The following ABCC12 variants were observed in gnomAD, a reference collection of about 807,000 sequenced individuals.
ABCC12 encodes the protein ATP-binding cassette sub-family C member 12.
Under a neutral mutation model 151.1 loss-of-function variants are expected in ABCC12, and 142 were observed. The observed-to-expected ratio is 0.94, with a 90% CI of 0.82 to 1.08. The LOEUF (loss-of-function observed/expected upper bound fraction) is 1.08. Ranked by LOEUF, ABCC12 falls within the 50% of genes least tolerant of loss-of-function variation. The pLI, the probability that ABCC12 is intolerant of heterozygous loss-of-function variation, is 0.00. For synonymous variants in ABCC12, 645 were observed against 646.4 expected, an observed-to-expected ratio of 1.00 and a Z score of 0.03; for missense variants, 1,638 against 1,691.1, an observed-to-expected ratio of 0.97 and a Z score of 0.55.
At chr16:48,145,959 T>A (rs1164350426) in intron 3 of ABCC12, among the ~76,000 whole-genome samples, 1 of 152,228 alleles carries the variant, frequency 6.6e-6, no homozygotes, top group East Asian at 1.9e-4. Flanking sequence ...CTTAGGCAAG[T>A]CACTTAACCT....
chr16:48,109,056 G>A (rs1249754916), intron 18 of ABCC12, among the ~76,000 whole-genome samples: 1 of 152,138 alleles, frequency 6.6e-6, no homozygotes, highest in Non-Finnish European at 1.5e-5. Flanking sequence ...CCTGGATGGG[G>A]GTGTTAATTC....
intron 11 of ABCC12, among the ~76,000 whole-genome samples, chr16:48,124,992 G>A (rs994083370): frequency 6.6e-6 from 1 of 152,218 alleles, no homozygotes; most frequent in Non-Finnish European, 1.5e-5. Context: ...GCAGGGAAGA[G>A]ACAGGGAAGG....
rs144565260 is a variant in ABCC12 at position 48,112,510 on chromosome 16, G to A, written c.1990-600C>T. Among the ~76,000 whole-genome samples the A allele has an allele frequency of 3.3e-3, 504 of 152,252 alleles. 3 individuals carry two copies. The highest frequency in any genetic ancestry group is 0.012 in the African/African-American group (478 of 41,558). ...CTCAGGAGGTTGAGGCAGGAGAATC[G>A]CTTGAACTCAGGAGGTGGAGGTTGC... On this transcript the variant is annotated intron_variant, in intron 15 of 30. Coordinates refer to ENST00000311303, the MANE Select transcript of ABCC12 (RefSeq NM_001393797.1).
chr16:48,128,585 T>C lies in ABCC12; in HGVS notation c.1389A>G (p.Leu463=), dbSNP rs778988347. ...ATGCCTCTGACCTCTGTTTCTTGCA[T>C]AAATGCCTTTTCTGGTTCTGCAATT... ...PKKLQNQKRH[L]CKKQRSEAYS... Residue 463 remains leucine, a synonymous_variant, in exon 11 of 31, where the codon TTA becomes TTG. Coordinates refer to ENST00000311303, the MANE Select transcript of ABCC12 (RefSeq NM_001393797.1). 15 of 1,614,262 alleles carry C rather than the reference T, an allele frequency of 9.3e-6. No homozygotes were observed. The highest frequency in any genetic ancestry group is 3.3e-4 in the Middle Eastern group (2 of 6,062).
At position 48,141,350 on chromosome 16, in the gene ABCC12, A is replaced by G. The variant is rs770696486; in HGVS notation, c.279T>C (p.Phe93=). ...CTACCTCTTCATCCCAAAGGACTCG[A>G]AATCTGTGATGAAAAAACAGAAGCA... ...YDSSDTNAKR[F]RVLWDEEVAR... The change falls in exon 5 of 31, where the codon TTT becomes TTC. Residue 93 remains phenylalanine, a synonymous_variant. Transcript: ENST00000311303. 6.4e-5 allele frequency: 103 copies of G among 1,613,628 alleles called. No individual in the cohort carries two copies. The highest frequency in any genetic ancestry group is 7.9e-5 in the Non-Finnish European group (93 of 1,179,980).
At chr16:48,128,108 G>T (rs1964300050) in intron 11 of ABCC12, among the ~76,000 whole-genome samples, 1 of 152,100 alleles carries the variant, frequency 6.6e-6, no homozygotes, top group South Asian at 2.1e-4. Flanking sequence ...AAAAGAGTAA[G>T]ACCCTGTCTC....
chr16:48,143,907 T>C lies in ABCC12; in HGVS notation c.275+3A>G. 1 of 1,612,858 alleles carries C rather than the reference T, an allele frequency of 6.2e-7. No individual in the cohort carries two copies. Among genetic ancestry groups the C allele is most frequent in the Non-Finnish European group, 8.5e-7 (1 of 1,179,166 alleles). ...ATACAGTGACCCAAGCAAATCCTGG[T>C]ACCTTTTGGCATTGGTGTCAGATGA... On this transcript the variant is annotated splice_donor_region_variant and intron_variant, in intron 4 of 30. Coordinates refer to ENST00000311303, the MANE Select transcript of ABCC12 (RefSeq NM_001393797.1).
chr16:48,137,441 C>T (rs1964647412), intron 8 of ABCC12, among the ~76,000 whole-genome samples: 1 of 152,196 alleles, frequency 6.6e-6, no homozygotes, highest in South Asian at 2.1e-4. Flanking sequence ...GAAGTGAACT[C>T]AGAGTGTGAG....
At chr16:48,130,995 G>A (rs1475665021) in intron 9 of ABCC12, 100 bp from the exon 10 acceptor site, 2 of 784,666 alleles carry the variant, frequency 2.5e-6, no homozygotes, top group Non-Finnish European at 4.3e-6. Flanking sequence ...ATGAGAAATG[G>A]TGGCATCGTT....
At chr16:48,089,539 A>AAACAGTGTAAAC (rs923586777) in intron 25 of ABCC12, among the ~76,000 whole-genome samples, 93 of 152,308 alleles carry the variant, frequency 6.1e-4, no homozygotes, top group African/African-American at 2.0e-3. Context: ...CCCTCCTCTT[A>AAACAGTGTAAAC]AGTCACCTCT....
chr16:48,141,611 C>G (rs1424253936), intron 4 of ABCC12, among the ~76,000 whole-genome samples: 3 of 152,198 alleles, frequency 2.0e-5, no homozygotes, highest in Admixed American at 1.3e-4. Context: ...TGCCTACCAC[C>G]CATCTCTGCC....
intron 20 of ABCC12, among the ~76,000 whole-genome samples, chr16:48,106,865 T>C (rs532256844): frequency 9.2e-5 from 14 of 152,322 alleles, no homozygotes; most frequent in African/African-American, 3.4e-4. Context: ...AAAGCCTGAA[T>C]CTGATGCTTG....
At position 48,115,401 on chromosome 16, in the gene ABCC12, G is replaced by T. The variant is rs1376909942; in HGVS notation, c.1989+14C>A. ...CCCATCCCGTGACCTCCTGGATCCT[G>T]CATGTCCCATCACCTGTAGCTGGTG... On this transcript the variant is annotated intron_variant, in intron 15 of 30. Coordinates refer to ENST00000311303, the MANE Select transcript of ABCC12 (RefSeq NM_001393797.1). 1 of 1,613,124 alleles carries T rather than the reference G, an allele frequency of 6.2e-7. No individual in the cohort carries two copies. Among genetic ancestry groups the T allele is most frequent in the South Asian group, 1.1e-5 (1 of 90,950 alleles).
chr16:48,101,354 C>T (rs1963302607), intron 22 of ABCC12, among the ~76,000 whole-genome samples: 1 of 152,088 alleles, frequency 6.6e-6, no homozygotes, highest in Non-Finnish European at 1.5e-5. Context: ...CTTTTTGGTG[C>T]CCAGCCAGAG....
intron 19 of ABCC12, 38 bp downstream of exon 19, chr16:48,108,402 G>T: frequency 6.4e-7 from 1 of 1,565,000 alleles, no homozygotes; most frequent in Admixed American, 1.7e-5. Context: ...TTTTTAAAAT[G>T]CAAATTAAAT....
rs759822189 is a variant in ABCC12, at chr16:48,111,448, C to T, written c.2269G>A (p.Val757Ile). ...GTGTGGTAAATACCTTTTGTGTCTA[C>T]AAATTCTGAGCCTGTTTCAGATTCT... ...GKESETGSEF[V>I]DTKVPEHQLI... The change falls in exon 18 of 31, where the codon GTA becomes ATA. Residue 757 changes from valine (V) to isoleucine (I), a missense_variant. Physicochemically the swap from Val to Ile is conservative, Grantham distance 29 (BLOSUM62 3). Transcript: ENST00000311303. 8 of 1,614,034 alleles carry T rather than the reference C, an allele frequency of 5.0e-6. No homozygotes were observed. Among genetic ancestry groups the T allele is most frequent in the Non-Finnish European group, 6.8e-6 (8 of 1,180,014 alleles).
intron 18 of ABCC12, among the ~76,000 whole-genome samples, chr16:48,110,585 C>A (rs115018891): frequency 0.014 from 2,188 of 152,088 alleles, 56 homozygotes; most frequent in African/African-American, 0.05. Flanking sequence ...GGTGGCCTGA[C>A]CAGGTAGCCC....
chr16:48,131,767 C>T (rs1964433889), intron 9 of ABCC12, among the ~76,000 whole-genome samples: 5 of 152,186 alleles, frequency 3.3e-5, no homozygotes. Flanking sequence ...GTTAAATGGG[C>T]CCCATGGACA....
chr16:48,088,715 G>A lies in ABCC12; in HGVS notation c.3305C>T (p.Thr1102Ile). The A allele has an allele frequency of 6.2e-7, 1 of 1,613,688 alleles. No homozygotes were observed. Among genetic ancestry groups the A allele is most frequent in the Non-Finnish European group, 8.5e-7 (1 of 1,179,800 alleles). ...ACAGGTCCCCACTTTGAGGGGATGA[G>A]TGCATTCAGGAACACAGGTCTGTAA... is the stretch of plus-strand genomic sequence containing the variant. ...EYISTCVPECTHPLKVGTCPK... is the reference protein window; with the variant it reads ...EYISTCVPECIHPLKVGTCPK... Residue 1102 changes from threonine (T) to isoleucine (I), a missense_variant, in exon 26 of 31, where the codon ACT (threonine) becomes ATT (isoleucine). Physicochemically the swap from Thr to Ile is moderately conservative, Grantham distance 89. Coordinates refer to ENST00000311303, the MANE Select transcript of ABCC12 (RefSeq NM_001393797.1).
Sources: allele counts gnomAD v4.1 joint callset (sites outside exome capture counted in the v4.1 genomes callset), GRCh38; gene constraint gnomAD v4.1.1; transcripts MANE v1.5; gene names NCBI Gene and HGNC (gene_info 2026-07-23, HGNC 2026-07-21).